ALX4: variants seen among roughly 807,000 people sequenced by gnomAD.
ALX4 encodes the protein homeobox protein aristaless-like 4.
A neutral mutation model predicts 40.6 loss-of-function variants in ALX4; 22 were observed. The observed-to-expected ratio is 0.54, with a 90% CI of 0.39 to 0.77. ALX4 has a LOEUF of 0.77. Among genes scored for constraint, ALX4 ranks in the 30% least tolerant of loss-of-function variants. ALX4 has a pLI of 0.00. For synonymous variants in ALX4, 266 were observed against 240.5 expected, an observed-to-expected ratio of 1.11 and a Z score of -0.98; for missense variants, 556 against 564.8, an observed-to-expected ratio of 0.98 and a Z score of 0.16.
At position 44,275,522 on chromosome 11, in the gene ALX4, T is replaced by A; in HGVS notation, c.603A>T (p.Pro201=). ...QDRASSDLPS[P]LEKADSESNK... ...TGCTCTCTGAGTCGGCCTTCTCCAA[T>A]GGGCTGGGGAGGTCTGAGCTGGCCC... The change falls in exon 2 of 4, where the codon CCA becomes CCT. Residue 201 remains proline (P), a synonymous_variant. Coordinates refer to ENST00000652299, the MANE Select transcript of ALX4 (RefSeq NM_021926.4). 6.2e-7 allele frequency: 1 copy of A among 1,614,146 alleles called. No individual in the cohort carries two copies. Among genetic ancestry groups the A allele is most frequent in the Non-Finnish European group, 8.5e-7 (1 of 1,180,002 alleles).
rs754942746 is a variant in ALX4 at position 44,309,609 on chromosome 11, C to G, written c.454G>C (p.Val152Leu). 1.9e-6 allele frequency: 3 copies of G among 1,586,012 alleles called. No homozygotes were observed. The highest frequency in any genetic ancestry group is 2.6e-6 in the Non-Finnish European group (3 of 1,174,378). ...CACGTGCACTCACCGTAGCAGGGAA[C>G]CTGCAAGGCCGCGCTGTGGCCGCTG... is the stretch of plus-strand genomic sequence containing the variant. ...GSSGHSAALQ[V>L]PCYAKESSLG... The change falls in exon 1 of 4, where the codon GTT (valine) becomes CTT (leucine). Residue 152 changes from valine to leucine, a missense_variant. By Grantham distance (32) the Val-to-Leu change is conservative (BLOSUM62 1). Transcript: ENST00000652299.
intron 1 of ALX4, among the ~76,000 whole-genome samples, chr11:44,307,432 C>T (rs1956475852): frequency 6.6e-6 from 1 of 152,196 alleles, no homozygotes; most frequent in African/African-American, 2.4e-5. Flanking sequence ...CAGCAGGACA[C>T]AGAGAGAGGG....
chr11:44,274,302 T>A lies in ALX4; in HGVS notation c.777+1046A>T, dbSNP rs193080358. Among the ~76,000 whole-genome samples, 222 of 151,934 alleles carry A rather than the reference T, an allele frequency of 1.5e-3. 1 individual carries two copies. The highest frequency in any genetic ancestry group is 4.4e-3 in the African/African-American group (181 of 41,412). ...TCAGGTTCCATTGTGTTGTGTTGTGTTAGGTTGAGTTCTGTTGGAATGTGT... is the reference window on the plus strand; with the variant it reads ...TCAGGTTCCATTGTGTTGTGTTGTGATAGGTTGAGTTCTGTTGGAATGTGT... On this transcript the variant is annotated intron_variant, in intron 2 of 3. Coordinates refer to ENST00000652299, the MANE Select transcript of ALX4 (RefSeq NM_021926.4).
intron 3 of ALX4, among the ~76,000 whole-genome samples, chr11:44,266,163 C>T (rs1326004340): frequency 6.6e-6 from 1 of 151,984 alleles, no homozygotes; most frequent in African/African-American, 2.4e-5. Flanking sequence ...GGAAGGGGGA[C>T]CGGTTGGCCT....
chr11:44,285,882 G>A (rs546659763), intron 1 of ALX4, among the ~76,000 whole-genome samples: 19 of 152,286 alleles, frequency 1.2e-4, no homozygotes, highest in Middle Eastern at 3.4e-3. Flanking sequence ...CTGTGAGCTG[G>A]TCAGAGTGGG....
chr11:44,280,324 C>A (rs1204742380), intron 1 of ALX4, among the ~76,000 whole-genome samples: 1 of 152,222 alleles, frequency 6.6e-6, no homozygotes, highest in East Asian at 1.9e-4. Context: ...CAGGAACTGG[C>A]TCCACACCCA....
intron 1 of ALX4, among the ~76,000 whole-genome samples, chr11:44,289,392 G>A (rs527749455): frequency 1.3e-5 from 2 of 152,258 alleles, no homozygotes; most frequent in Admixed American, 6.5e-5. Context: ...GTGTTGCCCT[G>A]ACCCACCCAC....
chr11:44,275,188 T>C (rs948380006), intron 2 of ALX4, among the ~76,000 whole-genome samples, 160 bp downstream of exon 2: 14 of 151,994 alleles, frequency 9.2e-5, no homozygotes, highest in African/African-American at 2.7e-4. Context: ...GACAGGGGCA[T>C]GAGGGGCAGG....
chr11:44,307,326 C>G (rs745659519), intron 1 of ALX4, among the ~76,000 whole-genome samples: 1 of 152,176 alleles, frequency 6.6e-6, no homozygotes, highest in African/African-American at 2.4e-5. Flanking sequence ...CACACTGCCA[C>G]GGGTTAGGGG....
At chr11:44,276,196 ACT>A (rs1956277095) in intron 1 of ALX4, among the ~76,000 whole-genome samples, 1 of 151,716 alleles carries the variant, frequency 6.6e-6, no homozygotes, top group Non-Finnish European at 1.5e-5. Flanking sequence ...AGCTGTGGAG[ACT>A]CTGCCCCAAG....
At chr11:44,276,770 A>G (rs898909364) in intron 1 of ALX4, among the ~76,000 whole-genome samples, 1 of 152,220 alleles carries the variant, frequency 6.6e-6, no homozygotes, top group African/African-American at 2.4e-5. Flanking sequence ...ATCAGGCATC[A>G]GATTCTCTTA....
At position 44,309,634 on chromosome 11, in the gene ALX4, G is replaced by A. The variant is rs757556220; in HGVS notation, c.429C>T (p.Ser143=). 1.3e-6 allele frequency: 2 copies of A among 1,592,006 alleles called. No homozygotes were observed. Among genetic ancestry groups the A allele is most frequent in the South Asian group, 2.2e-5 (2 of 89,484 alleles). ...CCTGCAAGGCCGCGCTGTGGCCGCT[G>A]CTGCCTTCCTGGAGTTTGAGGCTGC... is the stretch of plus-strand genomic sequence containing the variant. ...PDGSLKLQEG[S]SGHSAALQVP... Residue 143 remains serine (S), a synonymous_variant, in exon 1 of 4, where the codon AGC becomes AGT. Coordinates refer to ENST00000652299, the MANE Select transcript of ALX4 (RefSeq NM_021926.4).
At chr11:44,303,079 G>A (rs992793506) in intron 1 of ALX4, among the ~76,000 whole-genome samples, 1 of 152,104 alleles carries the variant, frequency 6.6e-6, no homozygotes, top group Non-Finnish European at 1.5e-5. Context: ...CGTGTGCCGC[G>A]CTGGACATCA....
intron 1 of ALX4, among the ~76,000 whole-genome samples, chr11:44,308,282 C>T (rs1316281210): frequency 6.6e-6 from 1 of 152,222 alleles, no homozygotes; most frequent in Admixed American, 6.5e-5. Flanking sequence ...AGTTCTGCGC[C>T]TGTGAAAGAA....
chr11:44,306,985 C>G (rs1217348470), intron 1 of ALX4, among the ~76,000 whole-genome samples: 1 of 152,162 alleles, frequency 6.6e-6, no homozygotes, highest in Non-Finnish European at 1.5e-5. Context: ...GGCTTTGCCC[C>G]GAGCAGTGCC....
At chr11:44,279,881 GA>G (rs1956298923) in intron 1 of ALX4, among the ~76,000 whole-genome samples, 2 of 151,942 alleles carry the variant, frequency 1.3e-5, no homozygotes, top group Non-Finnish European at 3.0e-5. Flanking sequence ...CTCAGCACAG[GA>G]TAGGTCAGGT....
At chr11:44,297,527 G>A (rs1170340370) in intron 1 of ALX4, among the ~76,000 whole-genome samples, 4 of 152,056 alleles carry the variant, frequency 2.6e-5, no homozygotes, top group Non-Finnish European at 5.9e-5. Flanking sequence ...AGACCAGCCT[G>A]GGCAGCATGG....
At chr11:44,278,903 C>T (rs1040190259) in intron 1 of ALX4, among the ~76,000 whole-genome samples, 5 of 152,174 alleles carry the variant, frequency 3.3e-5, no homozygotes, top group Non-Finnish European at 7.3e-5. Flanking sequence ...CCTGGTTCCT[C>T]AAGGAAGAAG....
intron 2 of ALX4, 131 bp from the exon 3 acceptor site, chr11:44,267,753 C>CAT (rs1564998766): frequency 2.4e-6 from 3 of 1,227,414 alleles, no homozygotes. Flanking sequence ...TGCGGCCACA[C>CAT]ATAAATATCA....
Sources: allele counts gnomAD v4.1 joint callset (sites outside exome capture counted in the v4.1 genomes callset), GRCh38; gene constraint gnomAD v4.1.1; transcripts MANE v1.5; gene names NCBI Gene and HGNC (gene_info 2026-07-23, HGNC 2026-07-21).